The following SMIM10L1 variants were observed in gnomAD, a reference collection of about 807,000 sequenced individuals.
SMIM10L1 encodes small integral membrane protein 10-like protein 1.
In SMIM10L1, 6 loss-of-function variants were observed where a neutral mutation model predicts 4.5. The ratio of observed to expected loss-of-function variants is 1.33; its 90% CI spans 0.73 to 2.62. The LOEUF (loss-of-function observed/expected upper bound fraction) is 2.62. Among genes scored for constraint, SMIM10L1 ranks in the 30% most tolerant of loss-of-function variants. The probability of loss-of-function intolerance (pLI) is 0.00; values close to 1 mark genes in which losing one functional copy is unlikely to be tolerated. For synonymous variants in SMIM10L1, 49 were observed against 42.2 expected (o/e 1.16, Z -0.63); for missense variants, 66 against 86.2 (o/e 0.77, Z 0.93).
In SMIM10L1 at chr12:11,171,350, C is replaced by A; in HGVS notation, c.-7C>A. 1.6e-6 allele frequency: 2 copies of A among 1,231,604 alleles called. No individual in the cohort carries two copies. The highest frequency in any genetic ancestry group is 1.0e-6 in the Non-Finnish European group (1 of 987,616). 76.3% of individuals were successfully genotyped at this position (1,231,604 alleles called of 1,614,324 possible). On this transcript the variant is annotated 5_prime_UTR_variant, in exon 1 of 1. In the 5' UTR this introduces an upstream ATG that the reference lacks. Coordinates refer to ENST00000622602, the MANE Select transcript of SMIM10L1 (RefSeq NM_001271592.2). ...ACAGACGCTGGGCGGGCGGCGACAC[C>A]TGGCTCATGGCCCCCGCGGCGGCTC...
Position 11,171,229 on chromosome 12 carries a change from G to C in SMIM10L1, c.-128G>C. ...CGCACTGCACCGAGCGGCGGCAGCG[G>C]CAAGCTTGGGTGTGAGCCCGGGAGC... On this transcript the variant is annotated 5_prime_UTR_variant, in exon 1 of 1. Coordinates refer to ENST00000622602, the MANE Select transcript of SMIM10L1 (RefSeq NM_001271592.2). 1.8e-6 allele frequency: 1 copy of C among 543,520 alleles called. No homozygotes were observed. Among genetic ancestry groups the C allele is most frequent in the Non-Finnish European group, 2.8e-6 (1 of 359,406 alleles). The allele number at this position is 543,520 out of a possible 1,614,324, so 33.7% of individuals were successfully genotyped here.
At position 11,175,056 on chromosome 12, in the gene SMIM10L1, A is replaced by AT. The variant is rs541349356; in HGVS notation, c.*3493_*3494insT. The AT allele has an allele frequency of 6.6e-5, 10 of 152,276 alleles. No homozygotes were observed. The South Asian group carries it at 2.1e-3, about 32-fold the overall frequency. 9.4% of individuals were successfully genotyped at this position (152,276 alleles called of 1,614,324 possible). On this transcript the variant is annotated 3_prime_UTR_variant, in exon 1 of 1. Coordinates refer to ENST00000622602, the MANE Select transcript of SMIM10L1 (RefSeq NM_001271592.2). Reference sequence around the variant, plus strand: ...TTCTGGACAGAAATATTACCTGGGTAATAGTTATTTTTTTTAACATAACTA... The same window carrying AT: ...TTCTGGACAGAAATATTACCTGGGTATATAGTTATTTTTTTTAACATAACTA...
In SMIM10L1 at chr12:11,172,802, T is replaced by C. The variant is rs1325405339; in HGVS notation, c.*1239T>C. ...CACTGTATACACGGTATACCTCAAC[T>C]GTGAATAATAGTAGTCATGTAAAGT... is the stretch of plus-strand genomic sequence containing the variant. On this transcript the variant is annotated 3_prime_UTR_variant, in exon 1 of 1. Transcript: ENST00000622602. The C allele has an allele frequency of 6.6e-6, 1 of 152,192 alleles. No homozygotes were observed. Among genetic ancestry groups the C allele is most frequent in the Non-Finnish European group, 1.5e-5 (1 of 68,038 alleles). 9.4% of individuals were successfully genotyped at this position (152,192 alleles called of 1,614,324 possible). A position where few individuals can be genotyped will look rare whatever the true frequency, so the allele number is the denominator to read the frequency against.
rs1469588594 is a variant in SMIM10L1, at chr12:11,173,947, ACTT to A, written c.*2385_*2387del. Reference sequence around the variant, plus strand: ...ATATATGTATATATGTATAGTTACTACTTACTATATATGTATACAGTATATAAG... The same window carrying A: ...ATATATGTATATATGTATAGTTACTAACTATATATGTATACAGTATATAAG... On this transcript the variant is annotated 3_prime_UTR_variant, in exon 1 of 1. Transcript: ENST00000622602. The A allele has an allele frequency of 6.6e-6, 1 of 151,336 alleles. No individual in the cohort carries two copies. Among genetic ancestry groups the A allele is most frequent in the Admixed American group, 6.6e-5 (1 of 15,130 alleles). 9.4% of individuals were successfully genotyped at this position (151,336 alleles called of 1,614,324 possible).
At position 11,171,616 on chromosome 12, in the gene SMIM10L1, G is replaced by C. The variant is rs987703274; in HGVS notation, c.*53G>C. The C allele has an allele frequency of 3.4e-6, 4 of 1,190,768 alleles. No homozygotes were observed. Among genetic ancestry groups the C allele is most frequent in the African/African-American group, 1.6e-5 (1 of 63,756 alleles). The allele number at this position is 1,190,768 out of a possible 1,614,324, so 73.8% of individuals were successfully genotyped here. On this transcript the variant is annotated 3_prime_UTR_variant, in exon 1 of 1. Coordinates refer to ENST00000622602, the MANE Select transcript of SMIM10L1 (RefSeq NM_001271592.2). ...GGCCAGCATGATGGCCGACTCCCAGGGTCCGTTGCGGCGCGGCGGAGCAGC... is the reference window on the plus strand; with the variant it reads ...GGCCAGCATGATGGCCGACTCCCAGCGTCCGTTGCGGCGCGGCGGAGCAGC...
Position 11,175,578 on chromosome 12 carries a change from A to G in SMIM10L1, c.*4015A>G, listed in dbSNP as rs1947935903. The G allele has an allele frequency of 6.6e-6, 1 of 152,204 alleles. No individual in the cohort carries two copies. Among genetic ancestry groups the G allele is most frequent in the African/African-American group, 2.4e-5 (1 of 41,450 alleles). The allele number at this position is 152,204 out of a possible 1,614,324, so 9.4% of individuals were successfully genotyped here. On this transcript the variant is annotated 3_prime_UTR_variant, in exon 1 of 1. Transcript: ENST00000622602. ...AGACGACTTGGGAAGTTCCAAGAAA[A>G]TGAACCAAGAAAAGAACCTCTGCAA...
rs1947873905 is a variant in SMIM10L1 at position 11,172,338 on chromosome 12, A to C, written c.*775A>C. 6.6e-6 allele frequency: 1 copy of C among 152,166 alleles called. No homozygotes were observed. The highest frequency in any genetic ancestry group is 2.1e-4 in the South Asian group (1 of 4,834). The allele number at this position is 152,166 out of a possible 1,614,324, so 9.4% of individuals were successfully genotyped here. ...ATTATGGTTACAAAGTGGAGTGCAA[A>C]TGTTATTTACCATGTTTTAAAAATA... On this transcript the variant is annotated 3_prime_UTR_variant, in exon 1 of 1. Coordinates refer to ENST00000622602, the MANE Select transcript of SMIM10L1 (RefSeq NM_001271592.2).
In SMIM10L1 at chr12:11,173,690, TG is replaced by T. The variant is rs1293292100; in HGVS notation, c.*2130del. 1.3e-5 allele frequency: 2 copies of T among 152,154 alleles called. No homozygotes were observed. The highest frequency in any genetic ancestry group is 1.5e-5 in the Non-Finnish European group (1 of 68,010). The allele number at this position is 152,154 out of a possible 1,614,324, so 9.4% of individuals were successfully genotyped here. ...TGGTGACAGAGTAGGATGCTCCATT[TG>T]GGTGACTATGTGAACATATTCCTAT... On this transcript the variant is annotated 3_prime_UTR_variant, in exon 1 of 1. Transcript: ENST00000622602.
In SMIM10L1 at chr12:11,175,653, A is replaced by G. The variant is rs1947936577; in HGVS notation, c.*4090A>G. On this transcript the variant is annotated 3_prime_UTR_variant, in exon 1 of 1. Coordinates refer to ENST00000622602, the MANE Select transcript of SMIM10L1 (RefSeq NM_001271592.2). The stretch of plus-strand genomic sequence containing the variant: ...GGGTTGGATTGATTCATATTAGTCT[A>G]TTACTTGGGTTACCTTGAGTGTGGG... 6.6e-6 allele frequency: 1 copy of G among 152,196 alleles called. No homozygotes were observed. Among genetic ancestry groups the G allele is most frequent in the Non-Finnish European group, 1.5e-5 (1 of 68,040 alleles). 9.4% of individuals were successfully genotyped at this position (152,196 alleles called of 1,614,324 possible).
rs1947911136 is a variant in SMIM10L1, at chr12:11,173,981, A to G, written c.*2418A>G. On this transcript the variant is annotated 3_prime_UTR_variant, in exon 1 of 1. Coordinates refer to ENST00000622602, the MANE Select transcript of SMIM10L1 (RefSeq NM_001271592.2). ...ATATGTATACAGTATATAAGTATAT[A>G]TGTATAGTTACTACTTACAATATAT... The G allele has an allele frequency of 6.6e-6, 1 of 151,444 alleles. No individual in the cohort carries two copies. The highest frequency in any genetic ancestry group is 2.1e-4 in the South Asian group (1 of 4,824). The allele number at this position is 151,444 out of a possible 1,614,324, so 9.4% of individuals were successfully genotyped here.
Position 11,171,499 on chromosome 12 carries a change from A to T in SMIM10L1, c.143A>T (p.Asn48Ile). ...FFELAWQLRM[N>I]FPYFYVAGSV... ...GAGCTGGCCTGGCAGCTGCGCATGAACTTCCCGTACTTCTACGTCGCGGGC... is the reference window on the plus strand; with the variant it reads ...GAGCTGGCCTGGCAGCTGCGCATGATCTTCCCGTACTTCTACGTCGCGGGC... The change falls in exon 1 of 1, where the codon AAC (asparagine) becomes ATC (isoleucine). Residue 48 changes from asparagine to isoleucine, a missense_variant. Asn to Ile is a moderately radical substitution (Grantham distance 149). Transcript: ENST00000622602. 8.1e-7 allele frequency: 1 copy of T among 1,231,662 alleles called. No homozygotes were observed. The highest frequency in any genetic ancestry group is 1.0e-6 in the Non-Finnish European group (1 of 987,928). 76.3% of individuals were successfully genotyped at this position (1,231,662 alleles called of 1,614,324 possible). A position where few individuals can be genotyped will look rare whatever the true frequency, so the allele number is the denominator to read the frequency against.
In SMIM10L1 at chr12:11,171,261, G is replaced by C; in HGVS notation, c.-96G>C. On this transcript the variant is annotated 5_prime_UTR_variant, in exon 1 of 1. Transcript: ENST00000622602. The stretch of plus-strand genomic sequence containing the variant: ...TGGGTGTGAGCCCGGGAGCCGCTTT[G>C]CTTACCGTCCTGCCGGTCCCAGCCG... 2.4e-6 allele frequency: 2 copies of C among 828,018 alleles called. No homozygotes were observed. The highest frequency in any genetic ancestry group is 3.2e-6 in the Non-Finnish European group (2 of 619,138). 51.3% of individuals were successfully genotyped at this position (828,018 alleles called of 1,614,324 possible).
chr12:11,171,486 C>T lies in SMIM10L1; in HGVS notation c.130C>T (p.Gln44Ter). The stretch of plus-strand genomic sequence containing the variant: ...GCTCGCCTTCTTCGAGCTGGCCTGG[C>T]AGCTGCGCATGAACTTCCCGTACTT... ...TLLAFFELAW[Q>*]LRMNFPYFYV... Residue 44 changes from glutamine to a stop codon, truncating the protein, a stop_gained, in exon 1 of 1, where the codon CAG (glutamine) becomes TAG (stop). Coordinates refer to ENST00000622602, the MANE Select transcript of SMIM10L1 (RefSeq NM_001271592.2). LOFTEE classifies it high-confidence loss of function. The T allele has an allele frequency of 6.5e-6, 8 of 1,232,422 alleles. No homozygotes were observed. The highest frequency in any genetic ancestry group is 8.1e-6 in the Non-Finnish European group (8 of 988,152). The allele number at this position is 1,232,422 out of a possible 1,614,324, so 76.3% of individuals were successfully genotyped here. A position where few individuals can be genotyped will look rare whatever the true frequency, so the allele number is the denominator to read the frequency against.
Position 11,171,758 on chromosome 12 carries a change from A to C in SMIM10L1, c.*195A>C. On this transcript the variant is annotated 3_prime_UTR_variant, in exon 1 of 1. Coordinates refer to ENST00000622602, the MANE Select transcript of SMIM10L1 (RefSeq NM_001271592.2). ...GGAGCCTACAATCCCTAGAAAGAGA[A>C]TACGCTGTTCCGGAAACAGAACTGC... 2.5e-6 allele frequency: 1 copy of C among 395,178 alleles called. No individual in the cohort carries two copies. Among genetic ancestry groups the C allele is most frequent in the East Asian group, 3.6e-5 (1 of 27,634 alleles). 24.5% of individuals were successfully genotyped at this position (395,178 alleles called of 1,614,324 possible). A position where few individuals can be genotyped will look rare whatever the true frequency, so the allele number is the denominator to read the frequency against.
rs1309409574 is a variant in SMIM10L1, at chr12:11,171,438, T to C, written c.82T>C (p.Cys28Arg). The C allele has an allele frequency of 8.1e-7, 1 of 1,232,036 alleles. No individual in the cohort carries two copies. Among genetic ancestry groups the C allele is most frequent in the Non-Finnish European group, 1.0e-6 (1 of 987,918 alleles). 76.3% of individuals were successfully genotyped at this position (1,232,036 alleles called of 1,614,324 possible). ...GACACCCACCTCGTACGGCGTCTTC[T>C]GCAAGGGGCTCTCCCGCACCCTGCT... ...AATPTSYGVF[C>R]KGLSRTLLAF... is the part of the protein sequence containing the mutation. Residue 28 changes from cysteine to arginine, a missense_variant, in exon 1 of 1, where the codon TGC (cysteine) becomes CGC (arginine). By Grantham distance (180) the Cys-to-Arg change is radical (BLOSUM62 -3). Transcript: ENST00000622602.
chr12:11,172,063 G>T lies in SMIM10L1; in HGVS notation c.*500G>T, dbSNP rs932669574. On this transcript the variant is annotated 3_prime_UTR_variant, in exon 1 of 1. Coordinates refer to ENST00000622602, the MANE Select transcript of SMIM10L1 (RefSeq NM_001271592.2). ...ATCAGAAATTTTCGGTGAAAAAAACGCAAAACTGTACAGGAAAATCATCCT... is the reference window on the plus strand; with the variant it reads ...ATCAGAAATTTTCGGTGAAAAAAACTCAAAACTGTACAGGAAAATCATCCT... The T allele has an allele frequency of 6.6e-6, 1 of 151,994 alleles. No individual in the cohort carries two copies. The highest frequency in any genetic ancestry group is 2.4e-5 in the African/African-American group (1 of 41,380). The allele number at this position is 151,994 out of a possible 1,614,324, so 9.4% of individuals were successfully genotyped here.
In SMIM10L1 at chr12:11,171,514, A is replaced by G. The variant is rs1201595668; in HGVS notation, c.158A>G (p.Tyr53Cys). The G allele has an allele frequency of 4.1e-6, 5 of 1,232,140 alleles. No homozygotes were observed. Among genetic ancestry groups the G allele is most frequent in the African/African-American group, 3.1e-5 (2 of 64,394 alleles). 76.3% of individuals were successfully genotyped at this position (1,232,140 alleles called of 1,614,324 possible). Residue 53 changes from tyrosine to cysteine, a missense_variant, in exon 1 of 1, where the codon TAC (tyrosine) becomes TGC (cysteine). Coordinates refer to ENST00000622602, the MANE Select transcript of SMIM10L1 (RefSeq NM_001271592.2). ...CTGCGCATGAACTTCCCGTACTTCT[A>G]CGTCGCGGGCTCGGTGATCCTCAAC... Reference protein sequence around the residue: ...WQLRMNFPYFYVAGSVILNIR... With the variant: ...WQLRMNFPYFCVAGSVILNIR...
At position 11,171,569 on chromosome 12, in the gene SMIM10L1, T is replaced by C; in HGVS notation, c.*6T>C. 8.1e-7 allele frequency: 1 copy of C among 1,231,956 alleles called. No homozygotes were observed. Among genetic ancestry groups the C allele is most frequent in the Non-Finnish European group, 1.0e-6 (1 of 987,840 alleles). The allele number at this position is 1,231,956 out of a possible 1,614,324, so 76.3% of individuals were successfully genotyped here. ...GATTGCAGGTACATATTTAGAGCCA[T>C]GACTAAGCTAACGGCCTCCGGGGCC... On this transcript the variant is annotated 3_prime_UTR_variant, in exon 1 of 1. Coordinates refer to ENST00000622602, the MANE Select transcript of SMIM10L1 (RefSeq NM_001271592.2).
rs1198214826 is a variant in SMIM10L1 at position 11,172,231 on chromosome 12, C to T, written c.*668C>T. 6.6e-6 allele frequency: 1 copy of T among 152,158 alleles called. No homozygotes were observed. Among genetic ancestry groups the T allele is most frequent in the Non-Finnish European group, 1.5e-5 (1 of 68,030 alleles). 9.4% of individuals were successfully genotyped at this position (152,158 alleles called of 1,614,324 possible). On this transcript the variant is annotated 3_prime_UTR_variant, in exon 1 of 1. Coordinates refer to ENST00000622602, the MANE Select transcript of SMIM10L1 (RefSeq NM_001271592.2). ...AACGAAATCCCATAGTAGCACAAAGCTTGGCTGTTCAGTGAATAACATTTA... is the reference window on the plus strand; with the variant it reads ...AACGAAATCCCATAGTAGCACAAAGTTTGGCTGTTCAGTGAATAACATTTA...
Sources: gnomAD v4.1 joint callset for allele counts on GRCh38, gnomAD v4.1.1 for gene constraint, MANE v1.5 for transcripts, NCBI Gene and HGNC (gene_info 2026-07-23, HGNC 2026-07-21) for gene names.